TNKS: variants seen among roughly 807,000 people sequenced by gnomAD.
TNKS encodes the protein poly [ADP-ribose] polymerase tankyrase-1.
A neutral mutation model predicts 135.8 loss-of-function variants in TNKS; 72 were observed. The observed-to-expected ratio is 0.53, with a 90% CI of 0.44 to 0.64. The LOEUF (loss-of-function observed/expected upper bound fraction) is 0.64, where lower values mean the gene tolerates loss of function less well. Ranked by LOEUF, TNKS falls within the 30% of genes least tolerant of loss-of-function variation. TNKS has a pLI of 0.00. For missense variants in TNKS, 1,769 were observed against 1,674.0 expected, an observed-to-expected ratio of 1.06 and a Z score of -0.99; for synonymous variants, 849 against 649.3, an observed-to-expected ratio of 1.31 and a Z score of -4.68.
rs548448660 is a variant in TNKS at position 9,773,404 on chromosome 8, G to C, written c.3897+3142G>C. 2.0e-5 allele frequency among the ~76,000 whole-genome samples: 3 copies of C among 152,200 alleles called. 1 individual carries two copies. The highest frequency in any genetic ancestry group is 4.1e-4 in the South Asian group (2 of 4,824). On this transcript the variant is annotated intron_variant, in intron 26 of 26. Coordinates refer to ENST00000310430, the MANE Select transcript of TNKS (RefSeq NM_003747.3). ...CACTGGGTGATAATGAGTGGTTTCAGTTCTCTTTACCATGTATTTTAAATA... is the reference window on the plus strand; with the variant it reads ...CACTGGGTGATAATGAGTGGTTTCACTTCTCTTTACCATGTATTTTAAATA...
chr8:9,648,874 G>A (rs757120463), intron 3 of TNKS, among the ~76,000 whole-genome samples: 1 of 151,932 alleles, frequency 6.6e-6, no homozygotes, highest in Non-Finnish European at 1.5e-5. Context: ...GATGACAGAG[G>A]GGTCTGTTAT....
At chr8:9,771,376 GA>G (rs1807845845) in intron 26 of TNKS, among the ~76,000 whole-genome samples, 1 of 98,318 alleles carries the variant, frequency 1.0e-5, no homozygotes, top group Non-Finnish European at 2.5e-5. Context: ...GGAAGGGAGG[GA>G]GGGAAAGAGA....
intron 5 of TNKS, among the ~76,000 whole-genome samples, chr8:9,698,421 G>T (rs1320656941): frequency 7.2e-6 from 1 of 139,184 alleles, no homozygotes; most frequent in South Asian, 2.4e-4. Flanking sequence ...TTAATAAGAT[G>T]ATGATAAATA....
chr8:9,558,489 A>T (rs1797180951), intron 1 of TNKS: 1 of 152,148 alleles, frequency 6.6e-6, no homozygotes, highest in Admixed American at 6.5e-5. Flanking sequence ...AAGTTTGCCT[A>T]TTTTAACAAA....
chr8:9,668,893 G>T (rs1418866123), intron 3 of TNKS, among the ~76,000 whole-genome samples: 1 of 152,140 alleles, frequency 6.6e-6, no homozygotes. Context: ...TGACTATTCA[G>T]CTGTAGGGTT....
chr8:9,624,711 G>T (rs1799990794), intron 3 of TNKS, among the ~76,000 whole-genome samples: 2 of 151,942 alleles, frequency 1.3e-5, no homozygotes, highest in South Asian at 4.1e-4. Flanking sequence ...TTATTTTCTG[G>T]AAGAGACTGT....
In TNKS at chr8:9,777,781, G is replaced by T. The variant is rs1422529425; in HGVS notation, c.*1045G>T. 6.6e-6 allele frequency: 1 copy of T among 152,198 alleles called. No homozygotes were observed. Among genetic ancestry groups the T allele is most frequent in the Non-Finnish European group, 1.5e-5 (1 of 68,042 alleles). The allele number at this position is 152,198 out of a possible 1,614,324, so 9.4% of individuals were successfully genotyped here. A position where few individuals can be genotyped will look rare whatever the true frequency, so the allele number is the denominator to read the frequency against. ...ATTAGCTGCCTTATTTCAAAAGTCA[G>T]TGAAATTACTGCACTTGATGAGGGT... On this transcript the variant is annotated 3_prime_UTR_variant, in exon 27 of 27. Transcript: ENST00000310430.
intron 24 of TNKS, 99 bp from the exon 25 acceptor site, chr8:9,766,140 C>A: frequency 2.0e-6 from 2 of 991,224 alleles, no homozygotes; most frequent in Non-Finnish European, 2.9e-6. Flanking sequence ...ATACACCATT[C>A]ATTTCTTAAT....
At chr8:9,752,745 A>C (rs946878272) in intron 20 of TNKS, 119 bp downstream of exon 20, 1 of 620,718 alleles carries the variant, frequency 1.6e-6, no homozygotes, top group Non-Finnish European at 2.6e-6. Flanking sequence ...GCTTGAGCCC[A>C]GGAGTTTGAG....
At chr8:9,735,345 C>G (rs760006398) in intron 16 of TNKS, 32 bp from the exon 17 acceptor site, 24 of 1,584,824 alleles carry the variant, frequency 1.5e-5, no homozygotes, top group Admixed American at 1.4e-4. Flanking sequence ...TTTAAGCTGA[C>G]ACGTTTCCTG....
intron 5 of TNKS, among the ~76,000 whole-genome samples, chr8:9,697,904 A>G (rs1418944034): frequency 3.3e-5 from 5 of 152,210 alleles, no homozygotes; most frequent in Non-Finnish European, 7.3e-5. Context: ...TACTAGATCT[A>G]TACACAAAGG....
In TNKS at chr8:9,582,293, A is replaced by T. The variant is rs182632755; in HGVS notation, c.898+1910A>T. On this transcript the variant is annotated intron_variant, in intron 2 of 26. Coordinates refer to ENST00000310430, the MANE Select transcript of TNKS (RefSeq NM_003747.3). ...GAGTTCTGCTTTGGGATAGCTGGAT[A>T]AAAAAAGTGGGAAGCCTTGTTTTTT... 5.5e-3 allele frequency among the ~76,000 whole-genome samples: 833 copies of T among 152,160 alleles called. 37 individuals are homozygous for T. The highest frequency in any genetic ancestry group is 8.7e-4 in the Non-Finnish European group (59 of 67,978).
In TNKS at chr8:9,736,350, TAA is replaced by T. The variant is rs1204895063; in HGVS notation, c.2643+887_2643+888del. Among the ~76,000 whole-genome samples the T allele has an allele frequency of 3.6e-3, 319 of 87,404 alleles. 2 individuals carry two copies. Among genetic ancestry groups the T allele is most frequent in the African/African-American group, 0.011 (267 of 23,736 alleles). The allele number at this position is 87,404 out of a possible 152,430, so 57.3% of individuals were successfully genotyped here. A position where few individuals can be genotyped will look rare whatever the true frequency, so the allele number is the denominator to read the frequency against. ...CTGATCAACATAGTGAGACCTCATC[TAA>T]AAAAAAAAAAAAAAAAAAAAAATTA... is the stretch of plus-strand genomic sequence containing the variant. On this transcript the variant is annotated intron_variant, in intron 17 of 26. Coordinates refer to ENST00000310430, the MANE Select transcript of TNKS (RefSeq NM_003747.3).
intron 25 of TNKS, 97 bp from the exon 26 acceptor site, chr8:9,770,009 C>T: frequency 1.8e-6 from 2 of 1,090,278 alleles, no homozygotes; most frequent in Non-Finnish European, 2.5e-6. Flanking sequence ...ATTAGCTTGC[C>T]TTATGTTAAA....
At chr8:9,614,087 A>T (rs1395427517) in intron 2 of TNKS, among the ~76,000 whole-genome samples, 1 of 152,140 alleles carries the variant, frequency 6.6e-6, no homozygotes, top group Non-Finnish European at 1.5e-5. Flanking sequence ...TGCATTTGAT[A>T]CTTGAGTCTG....
intron 26 of TNKS, among the ~76,000 whole-genome samples, chr8:9,776,067 A>T (rs1264920876): frequency 6.6e-6 from 1 of 151,930 alleles, no homozygotes. Flanking sequence ...AAGAAAAAAG[A>T]GAAAGAGAAT....
At chr8:9,710,345 T>A in intron 11 of TNKS, 125 bp downstream of exon 11, 1 of 818,094 alleles carries the variant, frequency 1.2e-6, no homozygotes, top group Non-Finnish European at 2.0e-6. Flanking sequence ...AGTTCGTACT[T>A]AAATTCATGG....
chr8:9,611,697 G>A (rs1432521535), intron 2 of TNKS, among the ~76,000 whole-genome samples: 1 of 152,096 alleles, frequency 6.6e-6, no homozygotes, highest in Non-Finnish European at 1.5e-5. Flanking sequence ...CCATTCTTCT[G>A]GTATTAGAAA....
At chr8:9,658,793 T>C (rs1801551989) in intron 3 of TNKS, among the ~76,000 whole-genome samples, 1 of 152,038 alleles carries the variant, frequency 6.6e-6, no homozygotes, top group Non-Finnish European at 1.5e-5. Flanking sequence ...GACTGGCAAA[T>C]TGGATAAAGA....
Sources: gnomAD v4.1 joint callset for allele counts (sites outside exome capture counted in the v4.1 genomes callset) on GRCh38, gnomAD v4.1.1 for gene constraint, MANE v1.5 for transcripts, NCBI Gene and HGNC (gene_info 2026-07-23, HGNC 2026-07-21) for gene names.